SIK3: variants seen among roughly 807,000 people sequenced by gnomAD.
SIK3 encodes serine/threonine-protein kinase SIK3.
Under a neutral mutation model 144.2 loss-of-function variants are expected in SIK3, and 28 were observed. The ratio of observed to expected loss-of-function variants is 0.19; its 90% confidence interval spans 0.14 to 0.27. The LOEUF is 0.27. SIK3 is among the 10% of genes least tolerant of loss of function. The pLI is 1.00. For missense variants in SIK3, 1,319 were observed against 1,776.0 expected (o/e 0.74, Z 4.62); for synonymous variants, 686 against 676.3 (o/e 1.01, Z -0.22).
chr11:117,023,617 A>ATATATATATATATATATATATAT (rs1194910685), intron 1 of SIK3, among the ~76,000 whole-genome samples: 2 of 109,176 alleles, frequency 1.8e-5, no homozygotes, highest in African/African-American at 4.6e-5. Flanking sequence ...AACAAAAAAA[A>ATATATATATATATATATATATAT]AAAAATATAT....
At position 116,947,733 on chromosome 11, in the gene SIK3, T is replaced by G. The variant is rs1030084838; in HGVS notation, c.454+6311A>C. Among the ~76,000 whole-genome samples, 25 of 151,428 alleles carry G rather than the reference T, an allele frequency of 1.7e-4. No individual in the cohort carries two copies. In the South Asian group the frequency reaches 2.5e-3, roughly 15 times the overall value. On this transcript the variant is annotated intron_variant, in intron 3 of 24. Transcript: ENST00000445177. The stretch of plus-strand genomic sequence containing the variant: ...GGTGCCCACCACCTTGCCCAGCTAA[T>G]TTTTTGTATTTTTAGTAGAGACGGG...
intron 1 of SIK3, among the ~76,000 whole-genome samples, chr11:117,054,919 G>A (rs935671045): frequency 2.6e-5 from 4 of 151,990 alleles, no homozygotes; most frequent in African/African-American, 4.8e-5. Flanking sequence ...GGACAAAAAG[G>A]GGATCAGCAT....
chr11:117,047,838 G>A (rs987149015), intron 1 of SIK3, among the ~76,000 whole-genome samples: 6 of 152,096 alleles, frequency 3.9e-5, no homozygotes, highest in African/African-American at 7.2e-5. Flanking sequence ...ATGAAAAAAT[G>A]TTATTCAATG....
At chr11:117,001,502 T>C (rs1322281586) in intron 1 of SIK3, among the ~76,000 whole-genome samples, 1 of 112,600 alleles carries the variant, frequency 8.9e-6, no homozygotes, top group Non-Finnish European at 2.3e-5. Flanking sequence ...CAAGATTCCA[T>C]CTCAAAAAAA....
In SIK3 at chr11:116,858,134, G is replaced by A. The variant is rs761276427; in HGVS notation, c.3331C>T (p.Leu1111=). ...ACACATTCTTGTGCCCTGATTTGTA[G>A]CAGATGCTGGGGGCTGGTGTGATGG... The part of the protein sequence containing the change: ...YHHHTSPQHL[L]QIRAQECVSQ... Residue 1111 remains leucine (L), a synonymous_variant, in exon 21 of 25, where the codon CTA becomes TTA. Transcript: ENST00000445177. This position sits in a 1 kb window ranked among gnomAD's most constrained non-coding sequence, Gnocchi z 5.4. 5 of 1,614,056 alleles carry A rather than the reference G, an allele frequency of 3.1e-6. No individual in the cohort carries two copies. The East Asian group carries it at 8.9e-5, about 29-fold the overall frequency.
intron 3 of SIK3, among the ~76,000 whole-genome samples, chr11:116,950,977 A>G (rs1364806976): frequency 6.6e-6 from 1 of 152,230 alleles, no homozygotes; most frequent in Non-Finnish European, 1.5e-5. Flanking sequence ...CAAGCAAGGC[A>G]GGTCAGCAGA....
rs1344077789 is a variant in SIK3 at position 116,862,294 on chromosome 11, G to GC, written c.2136dup (p.Gln713AlafsTer3). The GC allele has an allele frequency of 1.9e-6, 3 of 1,613,946 alleles. No individual in the cohort carries two copies. The highest frequency in any genetic ancestry group is 1.3e-5 in the African/African-American group (1 of 74,884). On this transcript the variant is annotated frameshift_variant, in exon 17 of 25. Coordinates refer to ENST00000445177, the MANE Select transcript of SIK3 (RefSeq NM_001366686.3). LOFTEE classifies it high-confidence loss of function. ...TTCTCCAGGGTTCTTTCATCAATCT[G>GC]CCCCCCGTACATCTTCTGCAGCTGC... is the stretch of plus-strand genomic sequence containing the variant.
chr11:116,980,195 T>C (rs1460147895), intron 1 of SIK3, among the ~76,000 whole-genome samples: 1 of 152,168 alleles, frequency 6.6e-6, no homozygotes, highest in Non-Finnish European at 1.5e-5. Flanking sequence ...CCAAACATCA[T>C]AGCCTGGTCC....
chr11:116,871,474 T>C (rs971860263), intron 13 of SIK3, among the ~76,000 whole-genome samples: 5 of 152,078 alleles, frequency 3.3e-5, no homozygotes, highest in African/African-American at 7.2e-5. Flanking sequence ...ACTAAGAAGT[T>C]TGAGGAAGAA....
At chr11:116,993,800 A>C (rs1241636845) in intron 1 of SIK3, among the ~76,000 whole-genome samples, 1 of 152,220 alleles carries the variant, frequency 6.6e-6, no homozygotes, top group Non-Finnish European at 1.5e-5. Flanking sequence ...TCAATCCTTC[A>C]TCCCAAAAGA....
rs1944182769 is a variant in SIK3, at chr11:116,875,191, A to G, written c.1394T>C (p.Met465Thr). 2 of 1,614,124 alleles carry G rather than the reference A, an allele frequency of 1.2e-6. No homozygotes were observed. Among genetic ancestry groups the G allele is most frequent in the Non-Finnish European group, 1.7e-6 (2 of 1,180,014 alleles). Reference protein sequence around the residue: ...SPEALVRYLSMRRHTVGVADP... With the variant: ...SPEALVRYLSTRRHTVGVADP... ...AGCCACACCCACTGTGTGCCTCCTC[A>G]TTGACAAATAGCGCACCAATGCTTC... Residue 465 changes from methionine to threonine, a missense_variant, in exon 11 of 25, where the codon ATG (methionine) becomes ACG (threonine). Met to Thr is a moderately conservative substitution (Grantham distance 81). Transcript: ENST00000445177.
At chr11:117,036,193 T>C (rs1250373150) in intron 1 of SIK3, 2 of 451,760 alleles carry the variant, frequency 4.4e-6, no homozygotes, top group African/African-American at 2.0e-5. Context: ...AATGTTGGGA[T>C]TGCAGGTGTG....
chr11:116,970,043 A>C (rs779736098), intron 1 of SIK3, among the ~76,000 whole-genome samples: 1 of 152,218 alleles, frequency 6.6e-6, no homozygotes, highest in Non-Finnish European at 1.5e-5. Context: ...TGGGAGGCCA[A>C]GGTGAGATGA....
At chr11:116,887,559 G>A (rs61112407) in intron 6 of SIK3, among the ~76,000 whole-genome samples, 9,151 of 151,176 alleles carry the variant, frequency 0.061, 928 homozygotes, top group African/African-American at 0.21. Context: ...GGAAGTTGCC[G>A]TGAGCTGAGG....
In SIK3 at chr11:117,061,783, T is replaced by C. The variant is rs938466381; in HGVS notation, c.273+36360A>G. ...TTATTATCAATCATAAGCTATTCTT[T>C]GAAAATGTCAATAAATAAGCAGAAA... On this transcript the variant is annotated intron_variant, in intron 1 of 24. Transcript: ENST00000445177. Among the ~76,000 whole-genome samples, 5 of 152,134 alleles carry C rather than the reference T, an allele frequency of 3.3e-5. No individual in the cohort carries two copies. The East Asian group carries it at 9.6e-4, about 29-fold the overall frequency.
chr11:116,984,879 G>A (rs1342039361), intron 1 of SIK3, among the ~76,000 whole-genome samples: 2 of 152,072 alleles, frequency 1.3e-5, no homozygotes, highest in Non-Finnish European at 2.9e-5. Flanking sequence ...CCTAGCCTTG[G>A]ATCTCTGTGT....
At chr11:116,942,572 T>G (rs1948372694) in intron 3 of SIK3, among the ~76,000 whole-genome samples, 1 of 152,226 alleles carries the variant, frequency 6.6e-6, no homozygotes, top group South Asian at 2.1e-4. Context: ...GAATGAGATT[T>G]TAGACAGCAT....
rs1013205239 is a variant in SIK3 at position 116,859,475 on chromosome 11, G to A, written c.2555C>T (p.Ser852Leu). 5.3e-5 allele frequency: 85 copies of A among 1,614,106 alleles called. No homozygotes were observed. Among genetic ancestry groups the A allele is most frequent in the Non-Finnish European group, 6.9e-5 (81 of 1,180,058 alleles). The change falls in exon 20 of 25, where the codon TCA becomes TTA. Residue 852 changes from serine to leucine, a missense_variant. Coordinates refer to ENST00000445177, the MANE Select transcript of SIK3 (RefSeq NM_001366686.3). Reference sequence around the variant, plus strand: ...TTGGACTTGGATGGTGACCTGCTGTGACTGAGCAGGCTGCTGCATACCCAA... The same window carrying A: ...TTGGACTTGGATGGTGACCTGCTGTAACTGAGCAGGCTGCTGCATACCCAA... Reference protein sequence around the residue: ...TCLGMQQPAQSQQVTIQVQEP... With the variant: ...TCLGMQQPAQLQQVTIQVQEP...
chr11:116,915,419 T>C (rs1045437243), intron 4 of SIK3, among the ~76,000 whole-genome samples: 6 of 152,160 alleles, frequency 3.9e-5, no homozygotes, highest in African/African-American at 1.4e-4. Context: ...CCAGACTTGA[T>C]TAAATGAATT....
Sources: gnomAD v4.1 joint callset for allele counts (sites outside exome capture counted in the v4.1 genomes callset) on GRCh38, gnomAD v4.1.1 for gene constraint, Gnocchi (gnomAD v3.1) non-coding constraint, MANE v1.5 for transcripts, NCBI Gene and HGNC (gene_info 2026-07-23, HGNC 2026-07-21) for gene names.